SLC12A2: variants seen among roughly 807,000 people sequenced by gnomAD.
SLC12A2 encodes Na-K-2Cl cotransporter 1.
Under a neutral mutation model 136.3 loss-of-function variants are expected in SLC12A2, and 67 were observed. The observed-to-expected ratio is 0.49, with a 90% CI of 0.40 to 0.60. SLC12A2 has a LOEUF of 0.60. SLC12A2 is among the 20% of genes least tolerant of loss of function. The pLI is 0.00. For missense variants in SLC12A2, 1,322 were observed against 1,534.7 expected, an observed-to-expected ratio of 0.86 and a Z score of 2.32; for synonymous variants, 619 against 562.9, an observed-to-expected ratio of 1.10 and a Z score of -1.41.
rs1763113008 is a variant in SLC12A2, at chr5:128,163,637, A to G, written c.2616+1837A>G. 2.0e-5 allele frequency among the ~76,000 whole-genome samples: 3 copies of G among 152,350 alleles called. No homozygotes were observed. In the South Asian group the frequency reaches 6.2e-4, roughly 32 times the overall value. On this transcript the variant is annotated intron_variant, in intron 17 of 26. Transcript: ENST00000262461. ...AAATGTAGTACAAATGTATGGTAGAATTCTATACAGTGGTGAAGAGGAGCT... is the reference window on the plus strand; with the variant it reads ...AAATGTAGTACAAATGTATGGTAGAGTTCTATACAGTGGTGAAGAGGAGCT...
chr5:128,177,186 T>G (rs769275734), intron 21 of SLC12A2, 34 bp downstream of exon 21: 4 of 1,501,306 alleles, frequency 2.7e-6, no homozygotes, highest in African/African-American at 1.4e-5. Flanking sequence ...TTTAAACCCT[T>G]TTTCATACTG....
At chr5:128,142,039 T>G in intron 10 of SLC12A2, 58 bp downstream of exon 10, 1 of 1,385,958 alleles carries the variant, frequency 7.2e-7, no homozygotes, top group East Asian at 2.3e-5. Context: ...GTGAGACTAC[T>G]ATCAAATATG....
Position 128,148,849 on chromosome 5 carries a change from C to T in SLC12A2, c.1977C>T (p.Phe659=). 6.2e-7 allele frequency: 1 copy of T among 1,601,000 alleles called. No individual in the cohort carries two copies. The highest frequency in any genetic ancestry group is 8.5e-7 in the Non-Finnish European group (1 of 1,174,980). ...NEPLRGYILT[F]LIALGFILIA... The stretch of plus-strand genomic sequence containing the variant: ...CTCTTCGTGGCTACATCTTAACATT[C>T]TTAATTGCACTTGGATTCATCTTAA... The change falls in exon 12 of 27, where the codon TTC becomes TTT. Residue 659 remains phenylalanine (F), a synonymous_variant. Transcript: ENST00000262461.
At chr5:128,139,012 A>G (rs1357814501) in intron 9 of SLC12A2, 104 bp downstream of exon 9, 5 of 796,588 alleles carry the variant, frequency 6.3e-6, no homozygotes, top group Middle Eastern at 7.0e-4. Flanking sequence ...ATACAGAAAT[A>G]TTTCAATAAA....
chr5:128,110,745 A>G (rs1229775244), intron 1 of SLC12A2: 6 of 1,466,116 alleles, frequency 4.1e-6, no homozygotes, highest in South Asian at 3.4e-5. Flanking sequence ...GCGATCTGCT[A>G]GAAAAACTTA....
At chr5:128,122,282 A>G (rs1248028870) in intron 4 of SLC12A2, among the ~76,000 whole-genome samples, 3 of 152,186 alleles carry the variant, frequency 2.0e-5, no homozygotes, top group African/African-American at 7.2e-5. Context: ...TGTTACTTGT[A>G]CTTTAGTCAA....
intron 4 of SLC12A2, among the ~76,000 whole-genome samples, chr5:128,118,429 A>G (rs1241980385): frequency 1.3e-5 from 2 of 152,234 alleles, no homozygotes; most frequent in African/African-American, 2.4e-5. Context: ...GGCAACCTGC[A>G]TGGAGTTGGA....
chr5:128,184,613 A>T, intron 25 of SLC12A2, 112 bp downstream of exon 25: 1 of 1,323,268 alleles, frequency 7.6e-7, no homozygotes, highest in South Asian at 1.5e-5. Flanking sequence ...TCTACTTTAA[A>T]ATAGATTTAT....
chr5:128,167,738 G>T, intron 17 of SLC12A2, 23 bp from the exon 18 acceptor site: 3 of 1,484,924 alleles, frequency 2.0e-6, no homozygotes, highest in Non-Finnish European at 2.8e-6. Context: ...TATCTGTAAA[G>T]TTATATTGAC....
intron 1 of SLC12A2, among the ~76,000 whole-genome samples, chr5:128,088,297 G>T (rs1052052905): frequency 6.6e-6 from 1 of 152,018 alleles, no homozygotes; most frequent in African/African-American, 2.4e-5. Context: ...TTTTGGAAAG[G>T]CAGAAACTCT....
In SLC12A2 at chr5:128,084,239, T is replaced by TGCGGCG. The variant is rs746633185; in HGVS notation, c.303_308dup (p.Ala106_Ala107dup). The TGCGGCG allele has an allele frequency of 2.4e-4, 301 of 1,279,578 alleles. No individual in the cohort carries two copies. Among genetic ancestry groups the TGCGGCG allele is most frequent in the Middle Eastern group, 1.4e-3 (5 of 3,590 alleles). 79.3% of individuals were successfully genotyped at this position (1,279,578 alleles called of 1,614,324 possible). A position where few individuals can be genotyped will look rare whatever the true frequency, so the allele number is the denominator to read the frequency against. On this transcript the variant is annotated inframe_insertion, in exon 1 of 27. Transcript: ENST00000262461. The surrounding 1 kb of genome is among the most constrained non-coding windows in gnomAD (Gnocchi z 5.6). ...CCGAGAACGCCGGGCGGGCCGCTGC[T>TGCGGCG]GCGGCGGCGGCGGCGGCGGCGGCAG...
intron 15 of SLC12A2, among the ~76,000 whole-genome samples, chr5:128,157,490 A>G (rs1360494814): frequency 6.6e-6 from 1 of 152,180 alleles, no homozygotes; most frequent in Non-Finnish European, 1.5e-5. Flanking sequence ...AAGCTAGATT[A>G]GAGAGGGCTG....
chr5:128,126,964 ATATTTTTTTTTT>A (rs1304412653), intron 4 of SLC12A2, among the ~76,000 whole-genome samples: 1 of 21,682 alleles, frequency 4.6e-5, no homozygotes, highest in Non-Finnish European at 7.3e-5. Flanking sequence ...ATATATATAT[ATATTTTTTTTTT>A]TTTTTTTTTT....
At chr5:128,158,234 T>C (rs1029478210) in intron 16 of SLC12A2, 70 bp downstream of exon 16, 12 of 1,136,540 alleles carry the variant, frequency 1.1e-5, no homozygotes, top group South Asian at 1.0e-4. Context: ...GGAATACATG[T>C]GCAGGTTTGT....
chr5:128,134,537 C>G (rs989472117), intron 6 of SLC12A2, among the ~76,000 whole-genome samples: 57 of 152,124 alleles, frequency 3.7e-4, no homozygotes, highest in Middle Eastern at 3.4e-3. Flanking sequence ...TCCAGTTTTG[C>G]AGTATGTAAA....
chr5:128,105,125 T>C (rs985482728), intron 1 of SLC12A2, among the ~76,000 whole-genome samples: 1 of 152,248 alleles, frequency 6.6e-6, no homozygotes, highest in Non-Finnish European at 1.5e-5. Flanking sequence ...TCACTGTTTA[T>C]AGTATATTGA....
In SLC12A2 at chr5:128,126,971, T is replaced by TATATATATATATATATAA. The variant is rs1347112296; in HGVS notation, c.1049-4096_1049-4095insATATATATATATATATAA. 1.2e-3 allele frequency among the ~76,000 whole-genome samples: 150 copies of TATATATATATATATATAA among 122,962 alleles called. 9 individuals carry two copies. Among genetic ancestry groups the TATATATATATATATATAA allele is most frequent in the African/African-American group, 5.6e-3 (145 of 26,020 alleles). The allele number at this position is 122,962 out of a possible 152,430, so 80.7% of individuals were successfully genotyped here. A position where few individuals can be genotyped will look rare whatever the true frequency, so the allele number is the denominator to read the frequency against. On this transcript the variant is annotated intron_variant, in intron 4 of 26. Coordinates refer to ENST00000262461, the MANE Select transcript of SLC12A2 (RefSeq NM_001046.3). The stretch of plus-strand genomic sequence containing the variant: ...ATATATATATATATATATATATTTT[T>TATATATATATATATATAA]TTTTTTTTTTTTTTTTGCATCTAAA...
chr5:128,089,333 C>T (rs1222033358), intron 1 of SLC12A2, among the ~76,000 whole-genome samples: 2 of 152,050 alleles, frequency 1.3e-5, no homozygotes, highest in African/African-American at 4.8e-5. Flanking sequence ...GACTGTAGTG[C>T]ACTGTGATTA....
Position 128,114,568 on chromosome 5 carries a change from C to T in SLC12A2, c.953-18C>T, listed in dbSNP as rs752986309. The T allele has an allele frequency of 2.6e-6, 4 of 1,530,464 alleles. No homozygotes were observed. In the South Asian group the frequency reaches 4.5e-5, roughly 17 times the overall value. The allele number at this position is 1,530,464 out of a possible 1,614,324, so 94.8% of individuals were successfully genotyped here. A position where few individuals can be genotyped will look rare whatever the true frequency, so the allele number is the denominator to read the frequency against. Reference sequence around the variant, plus strand: ...ACAAGAGTGTAAGTATTCTCATTGTCTTTCTTTCTTCGTAAAGGTCTATCA... The same window carrying T: ...ACAAGAGTGTAAGTATTCTCATTGTTTTTCTTTCTTCGTAAAGGTCTATCA... On this transcript the variant is annotated intron_variant, in intron 3 of 26. Coordinates refer to ENST00000262461, the MANE Select transcript of SLC12A2 (RefSeq NM_001046.3).
Sources: gnomAD v4.1 joint callset for allele counts (sites outside exome capture counted in the v4.1 genomes callset) on GRCh38, gnomAD v4.1.1 for gene constraint, Gnocchi (gnomAD v3.1) non-coding constraint, MANE v1.5 for transcripts, NCBI Gene and HGNC (gene_info 2026-07-23, HGNC 2026-07-21) for gene names.